The following SH3BGRL3 variants were observed in gnomAD, a reference collection of about 807,000 sequenced individuals.
SH3BGRL3 encodes the protein SH3 domain-binding glutamic acid-rich-like protein 3.
A neutral mutation model predicts 11.9 loss-of-function variants in SH3BGRL3; 8 were observed. That is an observed-to-expected ratio of 0.67 (90% CI 0.40 to 1.22). SH3BGRL3 has a LOEUF of 1.22. SH3BGRL3 is among the 50% of genes most tolerant of loss of function. The pLI is 0.01. For missense variants in SH3BGRL3, 119 were observed against 120.1 expected (o/e 0.99, Z 0.04); for synonymous variants, 55 against 52.3 (o/e 1.05, Z -0.22).
rs1173177597 is a variant in SH3BGRL3 at position 26,280,842 on chromosome 1, G to A, written c.126G>A (p.Gln42=). The change falls in exon 2 of 3, where the codon CAG becomes CAA. Residue 42 remains glutamine (Q), a synonymous_variant. Coordinates refer to ENST00000270792, the MANE Select transcript of SH3BGRL3 (RefSeq NM_031286.4). The part of the protein sequence containing the change: ...RIQYQLVDIS[Q]DNALRDEMRA... The stretch of plus-strand genomic sequence containing the variant: ...AATACCAGCTAGTGGACATCTCCCA[G>A]GACAACGCCCTGAGGGATGAGATGC... The A allele has an allele frequency of 6.2e-7, 1 of 1,613,890 alleles. No homozygotes were observed. Among genetic ancestry groups the A allele is most frequent in the South Asian group, 1.1e-5 (1 of 91,092 alleles).
At chr1:26,281,522 ACT>A (rs2072982625), downstream of SH3BGRL3, 1 of 188,402 alleles carries the variant, frequency 5.3e-6, no homozygotes, top group Non-Finnish European at 1.1e-5. Flanking sequence ...TTCCATTGGC[ACT>A]GTGTCTGGTT....
intron 1 of SH3BGRL3, among the ~76,000 whole-genome samples, chr1:26,280,534 C>T (rs2072963621): frequency 6.6e-6 from 1 of 151,218 alleles, no homozygotes; most frequent in South Asian, 2.1e-4. Context: ...AGCCTGATCC[C>T]ACTTCCCTTC....
At position 26,280,209 on chromosome 1, in the gene SH3BGRL3, TG is replaced by T. The variant is rs1038525407; in HGVS notation, c.48+7del. On this transcript the variant is annotated splice_region_variant and intron_variant, in intron 1 of 2. Coordinates refer to ENST00000270792, the MANE Select transcript of SH3BGRL3 (RefSeq NM_031286.4). ...CGGTCACCGGCTCCCGCGAAGTAAG[TG>T]CGCGCCCGGACTGGCGCTGGGGGAA... is the stretch of plus-strand genomic sequence containing the variant. 6.5e-7 allele frequency: 1 copy of T among 1,531,918 alleles called. No individual in the cohort carries two copies. Among genetic ancestry groups the T allele is most frequent in the African/African-American group, 1.4e-5 (1 of 70,962 alleles). 94.9% of individuals were successfully genotyped at this position (1,531,918 alleles called of 1,614,324 possible).
chr1:26,281,021 G>A (rs767974532), intron 2 of SH3BGRL3, 37 bp from the exon 3 acceptor site: 2 of 1,612,234 alleles, frequency 1.2e-6, no homozygotes, highest in Middle Eastern at 1.7e-4. Context: ...TGGGCCCCCT[G>A]CATTCAGGTG....
chr1:26,280,784 AGGT>A lies in SH3BGRL3; in HGVS notation c.70_72del (p.Val24del). On this transcript the variant is annotated inframe_deletion, in exon 2 of 3. Transcript: ENST00000270792. ...CCCCAGATCAAGTCCCAGCAGAGCG[AGGT>A]GACCCGAATCCTGGATGGGAAGCGC... The A allele has an allele frequency of 6.2e-7, 1 of 1,614,052 alleles. No homozygotes were observed. Among genetic ancestry groups the A allele is most frequent in the Non-Finnish European group, 8.5e-7 (1 of 1,180,014 alleles).
At chr1:26,280,276 G>C in intron 1 of SH3BGRL3, 73 bp downstream of exon 1, 1 of 1,419,256 alleles carries the variant, frequency 7.0e-7, no homozygotes, top group South Asian at 1.5e-5. Context: ...CCTAGCGCCC[G>C]GGACCCACCC....
chr1:26,280,297 G>A (rs2072954494), intron 1 of SH3BGRL3, 94 bp downstream of exon 1: 5 of 1,373,908 alleles, frequency 3.6e-6, no homozygotes, highest in African/African-American at 1.5e-5. Context: ...CCAGGACGGG[G>A]GCGGGGTGGG....
In SH3BGRL3 at chr1:26,281,340, T is replaced by G; in HGVS notation, c.*217T>G. ...TTCCTTACCCATTAGTCTCAGAAAT[T>G]GTCTTAAGCAACAGCCCCAAATGCT... On this transcript the variant is annotated 3_prime_UTR_variant, in exon 3 of 3. Coordinates refer to ENST00000270792, the MANE Select transcript of SH3BGRL3 (RefSeq NM_031286.4). 1 of 503,050 alleles carries G rather than the reference T, an allele frequency of 2.0e-6. No homozygotes were observed. Among genetic ancestry groups the G allele is most frequent in the Non-Finnish European group, 3.6e-6 (1 of 281,068 alleles). The allele number at this position is 503,050 out of a possible 1,614,324, so 31.2% of individuals were successfully genotyped here.
chr1:26,280,959 G>C (rs983554018), intron 2 of SH3BGRL3, 27 bp downstream of exon 2: 1 of 1,603,770 alleles, frequency 6.2e-7, no homozygotes, highest in East Asian at 2.2e-5. Context: ...GGGGGGGTGG[G>C]GGGAGTGTTG....
In SH3BGRL3 at chr1:26,281,364, C is replaced by G. The variant is rs1274941962; in HGVS notation, c.*241C>G. The G allele has an allele frequency of 2.2e-6, 1 of 456,682 alleles. No homozygotes were observed. The highest frequency in any genetic ancestry group is 3.1e-5 in the South Asian group (1 of 31,826). The allele number at this position is 456,682 out of a possible 1,614,324, so 28.3% of individuals were successfully genotyped here. A position where few individuals can be genotyped will look rare whatever the true frequency, so the allele number is the denominator to read the frequency against. On this transcript the variant is annotated 3_prime_UTR_variant, in exon 3 of 3. Coordinates refer to ENST00000270792, the MANE Select transcript of SH3BGRL3 (RefSeq NM_031286.4). ...TTGTCTTAAGCAACAGCCCCAAATG[C>G]TGGCTGCCCCCAGCCAAGCATTGGG...
intron 1 of SH3BGRL3, 120 bp from the exon 2 acceptor site, chr1:26,280,645 T>A: frequency 8.5e-7 from 1 of 1,173,506 alleles, no homozygotes; most frequent in Non-Finnish European, 1.2e-6. Context: ...AACCCTCCCC[T>A]AGTGTGGAGG....
rs553129774 is a variant in SH3BGRL3 at position 26,280,657 on chromosome 1, G to A, written c.49-108G>A. 1.3e-4 allele frequency: 181 copies of A among 1,344,780 alleles called. 1 individual carries two copies. In the African/African-American group the frequency reaches 2.3e-3, roughly 17 times the overall value. 83.3% of individuals were successfully genotyped at this position (1,344,780 alleles called of 1,614,324 possible). ...CAGAACCCTCCCCTAGTGTGGAGGGGAATGGGGGGACAAAAGCTCCTGGTC... is the reference window on the plus strand; with the variant it reads ...CAGAACCCTCCCCTAGTGTGGAGGGAAATGGGGGGACAAAAGCTCCTGGTC... On this transcript the variant is annotated intron_variant, in intron 1 of 2. Transcript: ENST00000270792.
rs1557675350 is a variant in SH3BGRL3 at position 26,280,104 on chromosome 1, A to C, written c.-52A>C. ...CGGCGGCGTCGTCTCCCGGCAGTGC[A>C]GCTGCCGCTACCGCCGCCCTCTGCC... On this transcript the variant is annotated 5_prime_UTR_variant, in exon 1 of 3. Transcript: ENST00000270792. 6 of 1,543,202 alleles carry C rather than the reference A, an allele frequency of 3.9e-6. No homozygotes were observed. The highest frequency in any genetic ancestry group is 5.3e-6 in the Non-Finnish European group (6 of 1,142,742).
intron 1 of SH3BGRL3, 134 bp from the exon 2 acceptor site, chr1:26,280,631 C>A (rs1570066614): frequency 9.4e-7 from 1 of 1,063,540 alleles, no homozygotes; most frequent in Non-Finnish European, 1.4e-6. Flanking sequence ...CTCCTAGAGG[C>A]CAGAACCCTC....
At chr1:26,280,956 T>TGGGGGGAGGGGGGGGG in intron 2 of SH3BGRL3, 24 bp downstream of exon 2, 19 of 764,734 alleles carry the variant, frequency 2.5e-5, no homozygotes, top group East Asian at 8.8e-5. Flanking sequence ...GACGGGGGGG[T>TGGGGGGAGGGGGGGGG]GGGGGGAGTG....
In SH3BGRL3 at chr1:26,280,915, G is replaced by C. The variant is rs772822895; in HGVS notation, c.199G>C (p.Gly67Arg). 1 of 1,613,290 alleles carries C rather than the reference G, an allele frequency of 6.2e-7. No individual in the cohort carries two copies. The highest frequency in any genetic ancestry group is 1.1e-5 in the South Asian group (1 of 91,058). ...PKATPPQIVN[G>R]DQYCGDYELF... ...GGCCACCCCACCCCAGATTGTCAAC[G>C]GGGACCAGTACTGTGGGGTATGGGC... is the stretch of plus-strand genomic sequence containing the variant. The change falls in exon 2 of 3, where the codon GGG becomes CGG. Residue 67 changes from glycine to arginine, a missense_variant. Transcript: ENST00000270792.
At chr1:26,280,314 G>GTTGGAAGAGGACTCTAGC in intron 1 of SH3BGRL3, 111 bp downstream of exon 1, 2 of 1,290,772 alleles carry the variant, frequency 1.5e-6, no homozygotes, top group African/African-American at 1.5e-5. Flanking sequence ...TGGGGGGAGT[G>GTTGGAAGAGGACTCTAGC]CGTCGGCGAG....
rs1015786618 is a variant in SH3BGRL3, at chr1:26,280,867, C to T, written c.151C>T (p.Arg51Ter). 8 of 1,612,138 alleles carry T rather than the reference C, an allele frequency of 5.0e-6. No homozygotes were observed. The highest frequency in any genetic ancestry group is 2.7e-5 in the African/African-American group (2 of 74,690). ...SQDNALRDEM[R>*]ALAGNPKATP... Reference sequence around the variant, plus strand: ...GGACAACGCCCTGAGGGATGAGATGCGAGCCTTGGCAGGCAACCCCAAGGC... The same window carrying T: ...GGACAACGCCCTGAGGGATGAGATGTGAGCCTTGGCAGGCAACCCCAAGGC... The change falls in exon 2 of 3, where the codon CGA becomes TGA. Residue 51 changes from arginine (R) to a stop codon, truncating the protein, a stop_gained. Transcript: ENST00000270792. LOFTEE classifies it high-confidence loss of function.
chr1:26,280,151 C>G lies in SH3BGRL3; in HGVS notation c.-5C>G, dbSNP rs563668048. On this transcript the variant is annotated 5_prime_UTR_variant, in exon 1 of 3. Transcript: ENST00000270792. ...TGCCCGCCGGCCCGTCTGTCTACCC[C>G]CAGCATGAGCGGCCTGCGCGTCTAC... 70 of 1,566,422 alleles carry G rather than the reference C, an allele frequency of 4.5e-5. No homozygotes were observed. The African/African-American group carries it at 7.5e-4, about 17-fold the overall frequency.
Sources: gnomAD v4.1 joint callset for allele counts (sites outside exome capture counted in the v4.1 genomes callset) on GRCh38, gnomAD v4.1.1 for gene constraint, MANE v1.5 for transcripts, NCBI Gene and HGNC (gene_info 2026-07-23, HGNC 2026-07-21) for gene names.